MACROD2: variants seen among roughly 807,000 people sequenced by gnomAD.
MACROD2 encodes the protein ADP-ribose glycohydrolase MACROD2.
Under a neutral mutation model 70.4 loss-of-function variants are expected in MACROD2, and 36 were observed. That is an observed-to-expected ratio of 0.51 (90% CI 0.39 to 0.68). The LOEUF (loss-of-function observed/expected upper bound fraction) is 0.68. Ranked by LOEUF, MACROD2 falls within the 30% of genes least tolerant of loss-of-function variation. MACROD2 has a pLI of 0.00. For synonymous variants in MACROD2, 172 were observed against 178.8 expected (o/e 0.96, Z 0.30); for missense variants, 496 against 538.4 (o/e 0.92, Z 0.78).
At chr20:15,999,808 C>A (rs2066684496) in intron 15 of MACROD2, among the ~76,000 whole-genome samples, 1 of 152,044 alleles carries the variant, frequency 6.6e-6, no homozygotes, top group Non-Finnish European at 1.5e-5. Context: ...TTCTGGCAGC[C>A]CAAGCTGTCA....
At chr20:15,420,837 G>C (rs1907581023) in intron 6 of MACROD2, among the ~76,000 whole-genome samples, 2 of 152,108 alleles carry the variant, frequency 1.3e-5, no homozygotes, top group Non-Finnish European at 2.9e-5. Flanking sequence ...TGGAATCCCA[G>C]CACTTTGGCA....
intron 4 of MACROD2, among the ~76,000 whole-genome samples, chr20:14,540,060 T>C (rs188040580): frequency 5.3e-5 from 8 of 152,326 alleles, no homozygotes; most frequent in Admixed American, 3.9e-4. Context: ...ACCAGTAATA[T>C]TGTAAATATA....
intron 5 of MACROD2, among the ~76,000 whole-genome samples, chr20:14,700,336 T>A (rs1318390803): frequency 3.1e-5 from 4 of 129,718 alleles, no homozygotes; most frequent in Non-Finnish European, 4.8e-5. Context: ...TTTCATGATA[T>A]TATAAGCTGA....
chr20:14,124,384 G>A (rs1157769591), intron 3 of MACROD2, among the ~76,000 whole-genome samples: 3 of 152,146 alleles, frequency 2.0e-5, no homozygotes, highest in South Asian at 2.1e-4. Context: ...AGGCTAATGT[G>A]TTCCTCTTTC....
intron 7 of MACROD2, among the ~76,000 whole-genome samples, chr20:15,481,605 A>G (rs1828749727): frequency 6.6e-6 from 1 of 150,816 alleles, no homozygotes; most frequent in African/African-American, 2.4e-5. Flanking sequence ...AATAAATATT[A>G]TGGTTATAAA....
intron 6 of MACROD2, among the ~76,000 whole-genome samples, chr20:15,337,472 G>A (rs1268795901): frequency 6.6e-6 from 1 of 151,534 alleles, no homozygotes; most frequent in Non-Finnish European, 1.5e-5. Flanking sequence ...CTGCATAAAG[G>A]TTTTATTTAT....
At chr20:14,921,706 T>C (rs531782652) in intron 5 of MACROD2, among the ~76,000 whole-genome samples, 1 of 150,182 alleles carries the variant, frequency 6.7e-6, no homozygotes, top group African/African-American at 2.4e-5. Flanking sequence ...AAGGCTAAGA[T>C]ATATTTAGTG....
At chr20:14,583,674 C>G (rs183720415) in intron 4 of MACROD2, among the ~76,000 whole-genome samples, 2 of 152,254 alleles carry the variant, frequency 1.3e-5, no homozygotes, top group East Asian at 3.9e-4. Context: ...ATATTAAGAT[C>G]TACCTTAGAA....
intron 8 of MACROD2, among the ~76,000 whole-genome samples, chr20:15,721,545 C>T (rs995354918): frequency 2.0e-5 from 3 of 152,056 alleles, no homozygotes; most frequent in African/African-American, 7.3e-5. Context: ...AACGTGTCCA[C>T]AATATAAAGA....
intron 3 of MACROD2, among the ~76,000 whole-genome samples, chr20:14,454,839 G>A (rs867180174): frequency 2.1e-5 from 3 of 141,378 alleles, no homozygotes; most frequent in African/African-American, 7.9e-5. Context: ...TGCAAGCTCC[G>A]CCTCCCGGGC....
chr20:15,690,118 G>A (rs941632287), intron 8 of MACROD2, among the ~76,000 whole-genome samples: 17 of 152,212 alleles, frequency 1.1e-4, no homozygotes, highest in African/African-American at 3.9e-4. Context: ...TCTGCTGTGC[G>A]CAGAATGCTT....
intron 7 of MACROD2, among the ~76,000 whole-genome samples, chr20:15,458,668 C>A (rs1208249615): frequency 1.4e-5 from 2 of 143,196 alleles, no homozygotes; most frequent in African/African-American, 5.2e-5. Context: ...GCCATTTATT[C>A]AGTAGGTGTC....
chr20:14,138,937 A>G (rs2148704443), intron 3 of MACROD2, among the ~76,000 whole-genome samples: 1 of 152,298 alleles, frequency 6.6e-6, no homozygotes, highest in South Asian at 2.1e-4. Context: ...TACGTCAATA[A>G]AGCTATAAAA....
intron 5 of MACROD2, among the ~76,000 whole-genome samples, chr20:14,815,876 A>G (rs1600692355): frequency 6.6e-6 from 1 of 152,036 alleles, no homozygotes; most frequent in East Asian, 1.9e-4. Context: ...ACCATATTTT[A>G]AAGTGCCAAA....
intron 15 of MACROD2, among the ~76,000 whole-genome samples, chr20:16,017,144 T>C (rs145029711): frequency 6.6e-6 from 1 of 152,348 alleles, no homozygotes; most frequent in East Asian, 1.9e-4. Context: ...TCCAAGTTTC[T>C]TTTTGTTTTC....
At chr20:14,804,333 C>T (rs1317387647) in intron 5 of MACROD2, among the ~76,000 whole-genome samples, 1 of 151,882 alleles carries the variant, frequency 6.6e-6, no homozygotes, top group Non-Finnish European at 1.5e-5. Flanking sequence ...TGAAAGGATG[C>T]TCTGTCTCTA....
chr20:15,511,453 T>TA (rs796581173), intron 8 of MACROD2, among the ~76,000 whole-genome samples: 2 of 152,042 alleles, frequency 1.3e-5, no homozygotes, highest in Non-Finnish European at 2.9e-5. Context: ...ATGGGGTCTT[T>TA]AAAAAAAGGC....
In MACROD2 at chr20:15,295,158, T is replaced by C. The variant is rs555256442; in HGVS notation, c.540+65097T>C. Among the ~76,000 whole-genome samples, 5 of 152,328 alleles carry C rather than the reference T, an allele frequency of 3.3e-5. No homozygotes were observed. The South Asian group carries it at 1.0e-3, about 32-fold the overall frequency. On this transcript the variant is annotated intron_variant, in intron 6 of 17. Transcript: ENST00000684519. ...AAGGGCAGTTCCCCTGCACATTCTC[T>C]CTTGCCTGCTGCCATGTGAGACATG...
intron 5 of MACROD2, among the ~76,000 whole-genome samples, chr20:15,166,684 ACTT>A (rs1360659920): frequency 1.3e-5 from 2 of 152,064 alleles, no homozygotes; most frequent in African/African-American, 4.8e-5. Flanking sequence ...ATAAAAGAGA[ACTT>A]CTTTAACTAG....
Sources: gnomAD v4.1 joint callset for allele counts (sites outside exome capture counted in the v4.1 genomes callset) on GRCh38, gnomAD v4.1.1 for gene constraint, MANE v1.5 for transcripts, NCBI Gene and HGNC (gene_info 2026-07-23, HGNC 2026-07-21) for gene names.